Variants in SPAG6 observed in about 807,000 individuals in gnomAD.
SPAG6 encodes sperm associated antigen 6.
SPAG6 carries 49 observed loss-of-function variants against 58.5 expected under a neutral mutation model. The ratio of observed to expected loss-of-function variants is 0.84; its 90% CI spans 0.67 to 1.06. The LOEUF (loss-of-function observed/expected upper bound fraction) is 1.06, where lower values mean the gene tolerates loss of function less well. Ranked by LOEUF, SPAG6 falls within the 50% of genes least tolerant of loss-of-function variation. SPAG6 has a pLI of 0.00. For missense variants in SPAG6, 560 were observed against 611.3 expected (o/e 0.92, Z 0.89); for synonymous variants, 233 against 225.6 (o/e 1.03, Z -0.29).
At chr10:22,363,324 T>A (rs1016962662) in intron 2 of SPAG6, among the ~76,000 whole-genome samples, 2 of 152,228 alleles carry the variant, frequency 1.3e-5, no homozygotes, top group Non-Finnish European at 2.9e-5. Context: ...TGCTTTAAAC[T>A]TTTGTTGTGG....
chr10:22,396,298 T>TA (rs1834291282), intron 8 of SPAG6, among the ~76,000 whole-genome samples: 1 of 152,262 alleles, frequency 6.6e-6, no homozygotes, highest in Non-Finnish European at 1.5e-5. Flanking sequence ...ACTGTTCTTG[T>TA]GGTAGGGATT....
At chr10:22,363,207 A>G (rs1837091659) in intron 2 of SPAG6, among the ~76,000 whole-genome samples, 1 of 152,232 alleles carries the variant, frequency 6.6e-6, no homozygotes, top group Admixed American at 6.5e-5. Flanking sequence ...AACAACAATG[A>G]ATCAACTAAT....
intron 2 of SPAG6, among the ~76,000 whole-genome samples, chr10:22,352,209 A>G (rs1836748259): frequency 6.7e-6 from 1 of 149,744 alleles, no homozygotes; most frequent in Non-Finnish European, 1.5e-5. Flanking sequence ...GTGTGCGTGT[A>G]TGTGTGTGTG....
In SPAG6 at chr10:22,386,934, T is replaced by G. The variant is rs781091702; in HGVS notation, c.653T>G (p.Ile218Ser). The G allele has an allele frequency of 3.5e-5, 56 of 1,613,422 alleles. No individual in the cohort carries two copies. The highest frequency in any genetic ancestry group is 4.7e-5 in the Non-Finnish European group (55 of 1,179,634). Reference protein sequence around the residue: ...AGAVAHLAQMILNPDAKLKHQ... With the variant: ...AGAVAHLAQMSLNPDAKLKHQ... ...GCTGTTGCTCATTTAGCCCAGATGATCCTGAACCCTGATGCTAAATTGAAG... is the reference window on the plus strand; with the variant it reads ...GCTGTTGCTCATTTAGCCCAGATGAGCCTGAACCCTGATGCTAAATTGAAG... Residue 218 changes from isoleucine (I) to serine (S), a missense_variant, in exon 5 of 11, where the codon ATC becomes AGC. By Grantham distance (142) the Ile-to-Ser change is moderately radical (BLOSUM62 -2). Coordinates refer to ENST00000376624, the MANE Select transcript of SPAG6 (RefSeq NM_012443.4).
In SPAG6 at chr10:22,386,789, C is replaced by T. The variant is rs1834073536; in HGVS notation, c.508C>T (p.Pro170Ser). Residue 170 changes from proline to serine, a missense_variant, in exon 5 of 11, where the codon CCT (proline) becomes TCT (serine). By Grantham distance (74) the Pro-to-Ser change is moderately conservative. Coordinates refer to ENST00000376624, the MANE Select transcript of SPAG6 (RefSeq NM_012443.4). ...SQAVVDAGAV[P>S]LLVLCIQEPE... ...AGCTGTGGTGGATGCAGGAGCTGTT[C>T]CTCTTTTAGTACTCTGTATCCAGGA... 2 of 1,613,454 alleles carry T rather than the reference C, an allele frequency of 1.2e-6. No homozygotes were observed. The highest frequency in any genetic ancestry group is 2.7e-5 in the African/African-American group (2 of 74,986).
chr10:22,394,669 G>T (rs1834251305), intron 8 of SPAG6, among the ~76,000 whole-genome samples: 1 of 152,082 alleles, frequency 6.6e-6, no homozygotes, highest in Admixed American at 6.6e-5. Context: ...TGTCTCTATG[G>T]ATTTGTCTCT....
intron 2 of SPAG6, among the ~76,000 whole-genome samples, chr10:22,355,185 A>G (rs1478844230): frequency 6.6e-6 from 1 of 152,190 alleles, no homozygotes; most frequent in East Asian, 1.9e-4. Flanking sequence ...AATGGGCTGT[A>G]ATAGACAGTA....
chr10:22,410,213 A>G (rs1191945318), intron 9 of SPAG6, among the ~76,000 whole-genome samples: 1 of 152,038 alleles, frequency 6.6e-6, no homozygotes, highest in African/African-American at 2.4e-5. Flanking sequence ...TCTTTAGTAT[A>G]TTCATTCATT....
intron 3 of SPAG6, among the ~76,000 whole-genome samples, chr10:22,366,720 A>G (rs557168045): frequency 2.0e-5 from 3 of 152,188 alleles, no homozygotes; most frequent in Non-Finnish European, 4.4e-5. Flanking sequence ...TCTATCATCA[A>G]ATACTGTTGG....
At chr10:22,385,436 C>T (rs1834043307) in intron 4 of SPAG6, among the ~76,000 whole-genome samples, 1 of 152,172 alleles carries the variant, frequency 6.6e-6, no homozygotes, top group African/African-American at 2.4e-5. Context: ...TACATAAGAA[C>T]TTCCCATAGT....
At chr10:22,350,125 A>G (rs1001065590) in intron 2 of SPAG6, among the ~76,000 whole-genome samples, 3 of 151,594 alleles carry the variant, frequency 2.0e-5, no homozygotes, top group Admixed American at 2.0e-4. Context: ...TTTTTGGTAT[A>G]GAAGGAGTCT....
chr10:22,405,750 G>A (rs1428019773), intron 9 of SPAG6, among the ~76,000 whole-genome samples: 1 of 152,220 alleles, frequency 6.6e-6, no homozygotes, highest in Admixed American at 6.5e-5. Flanking sequence ...GAATTCGGCT[G>A]TGAATCCATC....
chr10:22,368,730 G>T, intron 4 of SPAG6, 52 bp downstream of exon 4: 1 of 1,413,252 alleles, frequency 7.1e-7, no homozygotes. Context: ...TTACAATTCA[G>T]ATTTATTAGG....
At chr10:22,393,927 C>A (rs1834237040) in intron 8 of SPAG6, among the ~76,000 whole-genome samples, 1 of 152,062 alleles carries the variant, frequency 6.6e-6, no homozygotes, top group Non-Finnish European at 1.5e-5. Flanking sequence ...AATTATAAGC[C>A]CATGTTGAAG....
rs553806059 is a variant in SPAG6 at position 22,364,342 on chromosome 10, G to A, written c.122-511G>A. On this transcript the variant is annotated intron_variant, in intron 2 of 10. Coordinates refer to ENST00000376624, the MANE Select transcript of SPAG6 (RefSeq NM_012443.4). ...TACTTTTACTATTGTTGCTGTTGTG[G>A]TGATGATGATGATATACCTACTATG... Among the ~76,000 whole-genome samples, 17 of 152,288 alleles carry A rather than the reference G, an allele frequency of 1.1e-4. No individual in the cohort carries two copies. The East Asian group carries it at 3.3e-3, about 29-fold the overall frequency.
At chr10:22,400,935 C>T (rs144246378) in intron 8 of SPAG6, among the ~76,000 whole-genome samples, 71 of 152,184 alleles carry the variant, frequency 4.7e-4, no homozygotes, top group African/African-American at 1.7e-3. Context: ...CTCAGTAATA[C>T]ACTTTACATT....
intron 9 of SPAG6, among the ~76,000 whole-genome samples, chr10:22,409,329 AATAT>A (rs1406031442): frequency 6.6e-6 from 1 of 152,236 alleles, no homozygotes; most frequent in Non-Finnish European, 1.5e-5. Context: ...ATTTTTTACA[AATAT>A]ATACTAGTGC....
In SPAG6 at chr10:22,368,544, A is replaced by T. The variant is rs781650366; in HGVS notation, c.338A>T (p.His113Leu). Reference sequence around the variant, plus strand: ...TTTGTGTTACGAGCAGTTGGTAAACATTCTCCCCAGCTAGCTCAGGCAATA... The same window carrying T: ...TTTGTGTTACGAGCAGTTGGTAAACTTTCTCCCCAGCTAGCTCAGGCAATA... ...AAFVLRAVGK[H>L]SPQLAQAIVD... is the part of the protein sequence containing the mutation. Residue 113 changes from histidine to leucine, a missense_variant, in exon 4 of 11, where the codon CAT becomes CTT. Transcript: ENST00000376624. The T allele has an allele frequency of 3.1e-6, 5 of 1,613,826 alleles. No individual in the cohort carries two copies. The African/African-American group carries it at 6.7e-5, about 22-fold the overall frequency.
chr10:22,398,859 C>T (rs932879646), intron 8 of SPAG6, among the ~76,000 whole-genome samples: 7 of 151,984 alleles, frequency 4.6e-5, no homozygotes, highest in African/African-American at 1.7e-4. Flanking sequence ...CACTCTGTTG[C>T]CCAGGCTGGA....
Sources: allele counts gnomAD v4.1 joint callset (sites outside exome capture counted in the v4.1 genomes callset), GRCh38; gene constraint gnomAD v4.1.1; transcripts MANE v1.5; gene names NCBI Gene and HGNC (gene_info 2026-07-23, HGNC 2026-07-21).